Variants in COBL observed in about 807,000 individuals in gnomAD.
COBL encodes protein cordon-bleu.
COBL carries 51 observed loss-of-function variants against 98.8 expected under a neutral mutation model. The ratio of observed to expected loss-of-function variants is 0.52; its 90% CI spans 0.41 to 0.65. COBL has a LOEUF of 0.65. COBL is among the 30% of genes least tolerant of loss of function. The pLI is 0.00. For missense variants in COBL, 1,617 were observed against 1,617.5 expected (o/e 1.00, Z 0.01); for synonymous variants, 634 against 651.7 (o/e 0.97, Z 0.41).
At chr7:51,229,401 G>A (rs1011313064) in intron 1 of COBL, among the ~76,000 whole-genome samples, 12 of 152,214 alleles carry the variant, frequency 7.9e-5, no homozygotes, top group Non-Finnish European at 1.5e-4. Flanking sequence ...GAATGAGACC[G>A]CGAGAGTTGT....
chr7:51,069,053 A>G (rs1371923445), intron 7 of COBL, among the ~76,000 whole-genome samples: 1 of 152,160 alleles, frequency 6.6e-6, no homozygotes. Context: ...GACAATGACA[A>G]TGTAAAGGGG....
chr7:51,271,814 G>A (rs751521828), intron 1 of COBL, among the ~76,000 whole-genome samples: 1 of 152,322 alleles, frequency 6.6e-6, no homozygotes, highest in Non-Finnish European at 1.5e-5. Flanking sequence ...AGGATCACTT[G>A]AGGTCAGGAG....
chr7:51,174,435 G>A (rs558430613), intron 5 of COBL, among the ~76,000 whole-genome samples: 2 of 152,246 alleles, frequency 1.3e-5, no homozygotes, highest in East Asian at 3.9e-4. Flanking sequence ...AAGAAGGGAT[G>A]TCTAGAGAAA....
At chr7:51,214,774 T>C (rs1053674012) in intron 2 of COBL, among the ~76,000 whole-genome samples, 1 of 152,192 alleles carries the variant, frequency 6.6e-6, no homozygotes, top group Non-Finnish European at 1.5e-5. Context: ...TTCCTGTGTT[T>C]GAAGAAAATT....
rs146056809 is a variant in COBL, at chr7:51,235,667, A to G, written c.42-15723T>C. On this transcript the variant is annotated intron_variant, in intron 1 of 12. Coordinates refer to ENST00000265136, the MANE Select transcript of COBL (RefSeq NM_015198.5). ...CCACCCACGGCTTCCCATTGGCTGG[A>G]CAAAACCCTGCACCACAGGGCAGGT... is the stretch of plus-strand genomic sequence containing the variant. 2.2e-3 allele frequency among the ~76,000 whole-genome samples: 337 copies of G among 152,282 alleles called. 4 individuals carry two copies. The highest frequency in any genetic ancestry group is 8.0e-3 in the African/African-American group (331 of 41,578).
intron 1 of COBL, among the ~76,000 whole-genome samples, chr7:51,243,310 C>G (rs1584286705): frequency 1.3e-5 from 2 of 152,296 alleles, no homozygotes; most frequent in South Asian, 4.2e-4. Context: ...TCCTGTCCCC[C>G]TTATGTGCGA....
chr7:51,070,391 A>AC (rs1263017550), intron 7 of COBL, among the ~76,000 whole-genome samples: 2 of 146,272 alleles, frequency 1.4e-5, no homozygotes, highest in South Asian at 2.2e-4. Flanking sequence ...GAAACAGTTA[A>AC]AACACACACA....
chr7:51,186,055 T>A (rs916035643), intron 4 of COBL, among the ~76,000 whole-genome samples: 1 of 152,256 alleles, frequency 6.6e-6, no homozygotes, highest in Non-Finnish European at 1.5e-5. Context: ...GCAGCACCAA[T>A]GCATGTGTGC....
intron 1 of COBL, chr7:51,259,630 CA>C: frequency 1.4e-6 from 1 of 727,496 alleles, no homozygotes; most frequent in Non-Finnish European, 2.5e-6. Context: ...CAAATGACAC[CA>C]AAATTCCCCT....
chr7:51,018,921 T>A (rs1236518922), intron 12 of COBL, among the ~76,000 whole-genome samples: 1,041 of 25,788 alleles, frequency 0.04, 136 homozygotes, highest in Middle Eastern at 0.11. Context: ...TATATATATA[T>A]ATATATATAT....
At chr7:51,072,591 T>C (rs1792672261) in intron 7 of COBL, 1 of 152,352 alleles carries the variant, frequency 6.6e-6, no homozygotes, top group African/African-American at 2.4e-5. Flanking sequence ...TTCACTCTTA[T>C]AGCCCACAAA....
chr7:51,214,599 T>A (rs1399565875), intron 2 of COBL, among the ~76,000 whole-genome samples: 1 of 152,176 alleles, frequency 6.6e-6, no homozygotes, highest in East Asian at 1.9e-4. Context: ...TGTGTCCAGA[T>A]TATAAGCAAG....
At chr7:51,284,844 T>TA (rs1377989244) in intron 1 of COBL, among the ~76,000 whole-genome samples, 2 of 150,106 alleles carry the variant, frequency 1.3e-5, no homozygotes, top group South Asian at 4.3e-4. Context: ...AAAAAAGGTA[T>TA]AAAAAAACCT....
At chr7:51,260,784 G>C (rs1241476247) in intron 1 of COBL, among the ~76,000 whole-genome samples, 1 of 152,240 alleles carries the variant, frequency 6.6e-6, no homozygotes, top group Non-Finnish European at 1.5e-5. Flanking sequence ...GCCATGGAAA[G>C]GATGCAGGGA....
At chr7:51,021,935 C>T (rs1157010282) in intron 12 of COBL, among the ~76,000 whole-genome samples, 3 of 152,194 alleles carry the variant, frequency 2.0e-5, no homozygotes, top group African/African-American at 7.2e-5. Context: ...AATCATTGGT[C>T]CAGGTGAGGC....
At chr7:51,083,000 C>T (rs572085364) in intron 7 of COBL, 23 of 1,474,674 alleles carry the variant, frequency 1.6e-5, no homozygotes, top group African/African-American at 1.1e-4. Flanking sequence ...GCCCTGACAT[C>T]GCAGTGCTCA....
rs1386168434 is a variant in COBL, at chr7:51,248,212, C to T, written c.42-28268G>A. Among the ~76,000 whole-genome samples, 3 of 152,308 alleles carry T rather than the reference C, an allele frequency of 2.0e-5. No homozygotes were observed. In the Middle Eastern group the frequency reaches 0.01, roughly 518 times the overall value. ...AGAGTTTAATATAAAGAATTTTCCTCCTACTGTGCATCCGTGGTTATGAAA... is the reference window on the plus strand; with the variant it reads ...AGAGTTTAATATAAAGAATTTTCCTTCTACTGTGCATCCGTGGTTATGAAA... On this transcript the variant is annotated intron_variant, in intron 1 of 12. Coordinates refer to ENST00000265136, the MANE Select transcript of COBL (RefSeq NM_015198.5).
intron 12 of COBL, among the ~76,000 whole-genome samples, chr7:51,024,028 T>C (rs979496983): frequency 6.6e-6 from 1 of 152,258 alleles, no homozygotes; most frequent in African/African-American, 2.4e-5. Context: ...ATAAAATCTT[T>C]GCCGGGCGCA....
intron 1 of COBL, chr7:51,260,060 CA>C: frequency 1.9e-6 from 2 of 1,066,662 alleles, no homozygotes; most frequent in Non-Finnish European, 2.8e-6. Context: ...CCTTCTTCTC[CA>C]AAAGTGTCTG....
Sources: gnomAD v4.1 joint callset for allele counts (sites outside exome capture counted in the v4.1 genomes callset) on GRCh38, gnomAD v4.1.1 for gene constraint, MANE v1.5 for transcripts, NCBI Gene and HGNC (gene_info 2026-07-23, HGNC 2026-07-21) for gene names.